The following C7orf57 variants were observed in gnomAD, a reference collection of about 807,000 sequenced individuals.
C7orf57 encodes the protein uncharacterized protein C7orf57.
A neutral mutation model predicts 39.0 loss-of-function variants in C7orf57; 33 were observed. That is an observed-to-expected ratio of 0.85 (90% CI 0.64 to 1.13). The LOEUF (loss-of-function observed/expected upper bound fraction) is 1.13. C7orf57 is among the 50% of genes most tolerant of loss of function. The pLI, the probability that C7orf57 is intolerant of heterozygous loss-of-function variation, is 0.00. For synonymous variants in C7orf57, 124 were observed against 137.1 expected (o/e 0.90, Z 0.67); for missense variants, 346 against 362.3 (o/e 0.95, Z 0.37).
intron 8 of C7orf57, among the ~76,000 whole-genome samples, chr7:48,057,737 A>G (rs1252952511): frequency 6.6e-6 from 1 of 152,190 alleles, no homozygotes; most frequent in Non-Finnish European, 1.5e-5. Flanking sequence ...GGTGAATATC[A>G]TATTAGCTGT....
In C7orf57 at chr7:48,041,519, G is replaced by A. The variant is rs558402607; in HGVS notation, c.241G>A (p.Asp81Asn). Reference sequence around the variant, plus strand: ...GCTCGCGAAACAAGGTGGCAGGCCCGGTGAGCCCCCTCCTGCCCTGTTCAG... The same window carrying A: ...GCTCGCGAAACAAGGTGGCAGGCCCAGTGAGCCCCCTCCTGCCCTGTTCAG... ...VKLAKQGGRP[D>N]LLKHFAPGTR... Residue 81 changes from aspartate to asparagine, a missense_variant and splice_region_variant, in exon 3 of 9, where the codon GAT becomes AAT. Transcript: ENST00000348904. The A allele has an allele frequency of 9.4e-6, 15 of 1,600,966 alleles. No individual in the cohort carries two copies. Among genetic ancestry groups the A allele is most frequent in the South Asian group, 9.0e-5 (8 of 88,918 alleles).
chr7:48,051,814 C>A lies in C7orf57; in HGVS notation c.606-886C>A, dbSNP rs867708538. Among the ~76,000 whole-genome samples, 33 of 42,440 alleles carry A rather than the reference C, an allele frequency of 7.8e-4. 9 individuals are homozygous for A. Among genetic ancestry groups the A allele is most frequent in the East Asian group, 4.8e-4 (1 of 2,076 alleles). 27.8% of individuals were successfully genotyped at this position (42,440 alleles called of 152,430 possible). On this transcript the variant is annotated intron_variant, in intron 6 of 8. Coordinates refer to ENST00000348904, the MANE Select transcript of C7orf57 (RefSeq NM_001100159.3). ...TCTTTCTTTCCTTCCTTCCTTTTCT[C>A]TTCTCTTTCTTTCTTTCTTTCTTTC... is the stretch of plus-strand genomic sequence containing the variant.
intron 3 of C7orf57, among the ~76,000 whole-genome samples, chr7:48,043,053 C>A (rs893133333): frequency 4.6e-5 from 7 of 152,146 alleles, no homozygotes; most frequent in African/African-American, 1.7e-4. Flanking sequence ...GGGACAGCTC[C>A]ACAGTGGCAG....
chr7:48,036,386 C>T (rs1350632463), intron 2 of C7orf57, 23 bp downstream of exon 2: 6 of 1,554,418 alleles, frequency 3.9e-6, no homozygotes, highest in Non-Finnish European at 5.2e-6. Flanking sequence ...TGAGCGCGTC[C>T]CGGCCAGAAA....
rs774475999 is a variant in C7orf57 at position 48,052,937 on chromosome 7, AG to A, written c.829+15del. ...AGGACACCCCAGGTGAGGCACAAGC[AG>A]CCATCTGCATTTATTGGAGGCTTGG... On this transcript the variant is annotated intron_variant, in intron 7 of 8. Coordinates refer to ENST00000348904, the MANE Select transcript of C7orf57 (RefSeq NM_001100159.3). 1.9e-6 allele frequency: 3 copies of A among 1,591,916 alleles called. No individual in the cohort carries two copies. The African/African-American group carries it at 4.0e-5, about 21-fold the overall frequency.
At position 48,060,401 on chromosome 7, in the gene C7orf57, C is replaced by A. The variant is rs913104517; in HGVS notation, c.*129C>A. On this transcript the variant is annotated 3_prime_UTR_variant, in exon 9 of 9. Coordinates refer to ENST00000348904, the MANE Select transcript of C7orf57 (RefSeq NM_001100159.3). Reference sequence around the variant, plus strand: ...GACTCTCATTGAATAATTTACCTTGCAGCAGATTTGACATTGCTGCATAGA... The same window carrying A: ...GACTCTCATTGAATAATTTACCTTGAAGCAGATTTGACATTGCTGCATAGA... The A allele has an allele frequency of 1.8e-6, 1 of 559,592 alleles. No individual in the cohort carries two copies. Among genetic ancestry groups the A allele is most frequent in the South Asian group, 3.5e-5 (1 of 28,848 alleles). The allele number at this position is 559,592 out of a possible 1,614,324, so 34.7% of individuals were successfully genotyped here. A position where few individuals can be genotyped will look rare whatever the true frequency, so the allele number is the denominator to read the frequency against.
intron 8 of C7orf57, among the ~76,000 whole-genome samples, chr7:48,055,801 TC>T (rs1324881937): frequency 6.6e-6 from 1 of 152,216 alleles, no homozygotes. Context: ...AGAATTTACT[TC>T]TTTTTTAAAG....
At chr7:48,038,006 T>C (rs1187666777) in intron 2 of C7orf57, among the ~76,000 whole-genome samples, 3 of 152,344 alleles carry the variant, frequency 2.0e-5, no homozygotes, top group East Asian at 1.9e-4. Context: ...TTCTCTCAAA[T>C]AGAAAATATT....
chr7:48,057,332 G>C (rs914541242), intron 8 of C7orf57, among the ~76,000 whole-genome samples: 48 of 151,984 alleles, frequency 3.2e-4, no homozygotes, highest in African/African-American at 1.1e-3. Flanking sequence ...TCAGTGTACA[G>C]GTCTTTCACC....
intron 8 of C7orf57, among the ~76,000 whole-genome samples, chr7:48,054,867 GATT>G (rs869049817): frequency 2.9e-4 from 44 of 150,070 alleles, no homozygotes; most frequent in East Asian, 7.9e-4. Context: ...TGATGATGAT[GATT>G]ATTATTATTA....
At position 48,056,739 on chromosome 7, in the gene C7orf57, C is replaced by T. The variant is rs533507107; in HGVS notation, c.841+2133C>T. Among the ~76,000 whole-genome samples, 16 of 152,228 alleles carry T rather than the reference C, an allele frequency of 1.1e-4. 1 individual carries two copies. In the South Asian group the frequency reaches 1.7e-3, roughly 16 times the overall value. ...AGGATTTCAGATAAAGGATACTCAA[C>T]CTATAGCAGTTTTACAGTTTCTGGT... On this transcript the variant is annotated intron_variant, in intron 8 of 8. Transcript: ENST00000348904.
intron 2 of C7orf57, among the ~76,000 whole-genome samples, chr7:48,037,037 C>G (rs760024225): frequency 6.6e-6 from 1 of 151,918 alleles, no homozygotes; most frequent in South Asian, 2.1e-4. Context: ...TGCAGCTGGT[C>G]GGCACCCTGG....
At chr7:48,056,011 A>T (rs1219679311) in intron 8 of C7orf57, among the ~76,000 whole-genome samples, 2 of 152,132 alleles carry the variant, frequency 1.3e-5, no homozygotes, top group African/African-American at 4.8e-5. Context: ...TCATACGAGA[A>T]TTCGATTTTT....
At chr7:48,047,733 C>A (rs143310989) in intron 5 of C7orf57, among the ~76,000 whole-genome samples, 1 of 151,964 alleles carries the variant, frequency 6.6e-6, no homozygotes, top group Non-Finnish European at 1.5e-5. Context: ...GAGAAGTTCT[C>A]GCTCTGTCAC....
intron 2 of C7orf57, among the ~76,000 whole-genome samples, chr7:48,040,565 T>A (rs1236569164): frequency 6.6e-6 from 1 of 152,182 alleles, no homozygotes; most frequent in African/African-American, 2.4e-5. Flanking sequence ...AAAGCCATTA[T>A]GATTGAAAAC....
rs550391286 is a variant in C7orf57, at chr7:48,052,790, T to C, written c.696T>C (p.Ala232=). ...KDEWLQQQQR[A]DSDKRTPKTS... ...AGTGGTTGCAGCAGCAGCAGCGAGCTGACTCAGACAAGAGGACCCCGAAGA... is the reference window on the plus strand; with the variant it reads ...AGTGGTTGCAGCAGCAGCAGCGAGCCGACTCAGACAAGAGGACCCCGAAGA... Residue 232 remains alanine (A), a synonymous_variant, in exon 7 of 9, where the codon GCT becomes GCC. Coordinates refer to ENST00000348904, the MANE Select transcript of C7orf57 (RefSeq NM_001100159.3). 1 of 1,614,012 alleles carries C rather than the reference T, an allele frequency of 6.2e-7. No homozygotes were observed. The highest frequency in any genetic ancestry group is 1.1e-5 in the South Asian group (1 of 91,084).
chr7:48,036,908 A>C (rs1790386019), intron 2 of C7orf57, among the ~76,000 whole-genome samples: 1 of 151,464 alleles, frequency 6.6e-6, no homozygotes, highest in South Asian at 2.1e-4. Flanking sequence ...AGGAAGAAGA[A>C]GTCTTGAGAT....
intron 3 of C7orf57, among the ~76,000 whole-genome samples, chr7:48,043,217 C>A (rs977470176): frequency 1.2e-4 from 19 of 152,226 alleles, no homozygotes; most frequent in Non-Finnish European, 1.8e-4. Context: ...CAGCTCAAGA[C>A]CAGGAGCTCT....
chr7:48,043,500 C>A lies in C7orf57; in HGVS notation c.261C>A (p.Ala87=). Residue 87 remains alanine (A), a synonymous_variant, in exon 4 of 9, where the codon GCC becomes GCA. Transcript: ENST00000348904. ...GGRPDLLKHF[A]PGTRKGSPVA... ...TTTGAGATTTGTTGAAGCACTTTGC[C>A]CCTGGAACCAGGAAAGGCTCTCCAG... The A allele has an allele frequency of 1.2e-6, 2 of 1,613,708 alleles. No individual in the cohort carries two copies. The highest frequency in any genetic ancestry group is 1.7e-6 in the Non-Finnish European group (2 of 1,179,804).
Sources: allele counts gnomAD v4.1 joint callset (sites outside exome capture counted in the v4.1 genomes callset), GRCh38; gene constraint gnomAD v4.1.1; transcripts MANE v1.5; gene names NCBI Gene and HGNC (gene_info 2026-07-23, HGNC 2026-07-21).